Variants in SIK2 observed in about 807,000 individuals in gnomAD.
The protein encoded by SIK2 is salt inducible kinase 2.
Under a neutral mutation model 103.2 loss-of-function variants are expected in SIK2, and 29 were observed. The ratio of observed to expected loss-of-function variants is 0.28; its 90% CI spans 0.21 to 0.38. SIK2 has a LOEUF of 0.38. Ranked by LOEUF, SIK2 falls within the 10% of genes least tolerant of loss-of-function variation. The pLI, the probability that SIK2 is intolerant of heterozygous loss-of-function variation, is 1.00. For missense variants in SIK2, 879 were observed against 1,171.0 expected, an observed-to-expected ratio of 0.75 and a Z score of 3.64; for synonymous variants, 412 against 446.1, an observed-to-expected ratio of 0.92 and a Z score of 0.96.
chr11:111,649,599 G>A (rs922946461), intron 3 of SIK2, among the ~76,000 whole-genome samples: 2 of 152,074 alleles, frequency 1.3e-5, no homozygotes, highest in East Asian at 3.9e-4. Flanking sequence ...AATGCTTGCT[G>A]TGGTAACCTA....
At chr11:111,646,185 C>T (rs1942255106) in intron 3 of SIK2, among the ~76,000 whole-genome samples, 1 of 151,854 alleles carries the variant, frequency 6.6e-6, no homozygotes, top group Admixed American at 6.6e-5. Context: ...CATGGTGGCT[C>T]ATGCCTGTAA....
chr11:111,632,553 G>A (rs1211048405), intron 3 of SIK2, among the ~76,000 whole-genome samples: 1 of 152,032 alleles, frequency 6.6e-6, no homozygotes, highest in Non-Finnish European at 1.5e-5. Flanking sequence ...CTTATAAGAT[G>A]GATTTTACAG....
At chr11:111,623,424 C>G (rs1941920360) in intron 3 of SIK2, among the ~76,000 whole-genome samples, 1 of 152,170 alleles carries the variant, frequency 6.6e-6, no homozygotes, top group Admixed American at 6.5e-5. Flanking sequence ...GTCTGGTAGT[C>G]TTTGATTGGA....
chr11:111,694,026 C>T (rs1241389786), intron 4 of SIK2, among the ~76,000 whole-genome samples: 1 of 152,152 alleles, frequency 6.6e-6, no homozygotes, highest in Non-Finnish European at 1.5e-5. Flanking sequence ...GTGATTATTA[C>T]TTGAGTTGAT....
chr11:111,724,369 T>G lies in SIK2; in HGVS notation c.*240T>G. On this transcript the variant is annotated 3_prime_UTR_variant, in exon 15 of 15. Coordinates refer to ENST00000304987, the MANE Select transcript of SIK2 (RefSeq NM_015191.3). ...TAGTTGTAGGCTGAGGCTCCTGCCC[T>G]TCGGTCGAGTGGAGCAAGCTCTCGA... 1 of 550,582 alleles carries G rather than the reference T, an allele frequency of 1.8e-6. No homozygotes were observed. Among genetic ancestry groups the G allele is most frequent in the Non-Finnish European group, 3.2e-6 (1 of 313,580 alleles). 34.1% of individuals were successfully genotyped at this position (550,582 alleles called of 1,614,324 possible).
intron 4 of SIK2, among the ~76,000 whole-genome samples, chr11:111,699,040 G>A (rs189522611): frequency 6.4e-4 from 97 of 152,308 alleles, no homozygotes; most frequent in South Asian, 2.5e-3. Context: ...ATATCTGTAT[G>A]TGTCCATATG....
At chr11:111,632,541 A>G (rs571275874) in intron 3 of SIK2, among the ~76,000 whole-genome samples, 106 of 152,240 alleles carry the variant, frequency 7.0e-4, no homozygotes, top group African/African-American at 2.4e-3. Flanking sequence ...CCTCTCAGAA[A>G]CCTTATAAGA....
At position 111,722,841 on chromosome 11, in the gene SIK2, A is replaced by G. The variant is rs1296111523; in HGVS notation, c.2147+85A>G. The G allele has an allele frequency of 1.6e-6, 2 of 1,249,170 alleles. No homozygotes were observed. The highest frequency in any genetic ancestry group is 2.3e-6 in the Non-Finnish European group (2 of 868,204). The allele number at this position is 1,249,170 out of a possible 1,614,324, so 77.4% of individuals were successfully genotyped here. Reference sequence around the variant, plus strand: ...GAATGTGTTGTCCTTTTCCTCTCACATTCGCCACTACTAGGAAAATAGGTT... The same window carrying G: ...GAATGTGTTGTCCTTTTCCTCTCACGTTCGCCACTACTAGGAAAATAGGTT... On this transcript the variant is annotated intron_variant, in intron 14 of 14. Coordinates refer to ENST00000304987, the MANE Select transcript of SIK2 (RefSeq NM_015191.3). The surrounding 1 kb of genome is among the most constrained non-coding windows in gnomAD (Gnocchi z 4.4).
intron 3 of SIK2, among the ~76,000 whole-genome samples, chr11:111,677,807 A>G (rs1238236548): frequency 6.6e-6 from 1 of 152,182 alleles, no homozygotes; most frequent in East Asian, 1.9e-4. Flanking sequence ...TGGTTCCCAC[A>G]TTAGCATTTA....
intron 1 of SIK2, among the ~76,000 whole-genome samples, chr11:111,607,156 GTTCTAAAAATGACCT>G (rs1941659757): frequency 6.6e-6 from 1 of 152,122 alleles, no homozygotes; most frequent in Non-Finnish European, 1.5e-5. Context: ...TTTCATAGAG[GTTCTAAAAATGACCT>G]TATTAAAATG....
intron 1 of SIK2, among the ~76,000 whole-genome samples, chr11:111,614,073 G>T (rs1195965796): frequency 7.1e-6 from 1 of 140,612 alleles, no homozygotes; most frequent in Non-Finnish European, 1.5e-5. Context: ...ATAACTTTTT[G>T]ACTCTCCCCC....
chr11:111,640,167 A>G (rs1402070497), intron 3 of SIK2, among the ~76,000 whole-genome samples: 1 of 152,144 alleles, frequency 6.6e-6, no homozygotes, highest in Non-Finnish European at 1.5e-5. Flanking sequence ...TTGTGTCTGT[A>G]TATCTTAGCT....
intron 3 of SIK2, chr11:111,672,368 A>C (rs939406273): frequency 3.7e-6 from 2 of 534,226 alleles, no homozygotes; most frequent in Non-Finnish European, 3.0e-6. Flanking sequence ...CCAGAGGTGG[A>C]CACCTTGTAG....
intron 3 of SIK2, among the ~76,000 whole-genome samples, chr11:111,668,988 TAGA>T (rs1942586718): frequency 6.6e-6 from 1 of 152,158 alleles, no homozygotes; most frequent in Non-Finnish European, 1.5e-5. Context: ...AGTTGGTGAA[TAGA>T]CAACTGATAG....
At chr11:111,672,671 C>T (rs904350683) in intron 3 of SIK2, among the ~76,000 whole-genome samples, 1 of 152,000 alleles carries the variant, frequency 6.6e-6, no homozygotes. Flanking sequence ...GCTGACTAAA[C>T]ACCTACAAGG....
At position 111,701,580 on chromosome 11, in the gene SIK2, T is replaced by A. The variant is rs1943212691; in HGVS notation, c.727+5T>A. The A allele has an allele frequency of 3.7e-6, 6 of 1,613,352 alleles. No individual in the cohort carries two copies. The highest frequency in any genetic ancestry group is 5.1e-6 in the Non-Finnish European group (6 of 1,179,558). ...TTCCGTATTTCATGTCAGAAGGTAA[T>A]CAACTTTTCATCTTATTAATGGTGT... On this transcript the variant is annotated splice_donor_5th_base_variant and intron_variant, in intron 6 of 14. Transcript: ENST00000304987. This position sits in a 1 kb window ranked among gnomAD's most constrained non-coding sequence, Gnocchi z 4.2.
At chr11:111,626,059 G>A (rs1217202678) in intron 3 of SIK2, among the ~76,000 whole-genome samples, 1 of 152,134 alleles carries the variant, frequency 6.6e-6, no homozygotes, top group Non-Finnish European at 1.5e-5. Context: ...AATGTATAAG[G>A]TTTATATTTA....
chr11:111,701,419 G>A lies in SIK2; in HGVS notation c.604-33G>A. The A allele has an allele frequency of 6.2e-7, 1 of 1,600,896 alleles. No individual in the cohort carries two copies. The highest frequency in any genetic ancestry group is 8.5e-7 in the Non-Finnish European group (1 of 1,171,116). On this transcript the variant is annotated intron_variant, in intron 5 of 14. Transcript: ENST00000304987. The surrounding 1 kb of genome is among the most constrained non-coding windows in gnomAD (Gnocchi z 4.2). ...AAACAAAGAGTGTTTGACGTTCTTG[G>A]TAGAAAAGTCTCTGCATTGTTTTCT...
chr11:111,672,297 C>A, intron 3 of SIK2: 1 of 419,104 alleles, frequency 2.4e-6, no homozygotes, highest in South Asian at 2.9e-5. Flanking sequence ...AGGAGAAGCT[C>A]AAGGAGCTGA....
Sources: gnomAD v4.1 joint callset for allele counts (sites outside exome capture counted in the v4.1 genomes callset) on GRCh38, gnomAD v4.1.1 for gene constraint, Gnocchi (gnomAD v3.1) non-coding constraint, MANE v1.5 for transcripts, NCBI Gene and HGNC (gene_info 2026-07-23, HGNC 2026-07-21) for gene names.